The following PTPRD variants were observed in gnomAD, a reference collection of about 807,000 sequenced individuals.
PTPRD encodes protein tyrosine phosphatase receptor type D, also known as receptor-type tyrosine-protein phosphatase delta.
PTPRD carries 34 observed loss-of-function variants against 214.5 expected under a neutral mutation model. The ratio of observed to expected loss-of-function variants is 0.16; its 90% confidence interval spans 0.12 to 0.21. The LOEUF (loss-of-function observed/expected upper bound fraction) is 0.21. PTPRD is among the 10% of genes least tolerant of loss of function. PTPRD has a pLI of 1.00. For synonymous variants in PTPRD, 1,128 were observed against 845.7 expected, an observed-to-expected ratio of 1.33 and a Z score of -5.79; for missense variants, 2,545 against 2,398.7, an observed-to-expected ratio of 1.06 and a Z score of -1.27.
chr9:10,092,870 T>C (rs1000762749), intron 3 of PTPRD, among the ~76,000 whole-genome samples: 36 of 151,456 alleles, frequency 2.4e-4, no homozygotes, highest in Admixed American at 2.0e-3. Context: ...CCTATTCAAT[T>C]AATGGTGCTG....
intron 11 of PTPRD, among the ~76,000 whole-genome samples, chr9:8,814,041 G>C (rs1322436003): frequency 1.3e-5 from 2 of 152,164 alleles, no homozygotes; most frequent in Non-Finnish European, 2.9e-5. Context: ...ATGGGCCATG[G>C]ATTCTGCACC....
At chr9:10,417,294 T>C (rs1349047963) in intron 2 of PTPRD, among the ~76,000 whole-genome samples, 2 of 151,926 alleles carry the variant, frequency 1.3e-5, no homozygotes, top group African/African-American at 4.8e-5. Flanking sequence ...CTTCTTCCAA[T>C]GAAAGGGTGA....
chr9:9,080,099 T>C (rs1315874557), intron 10 of PTPRD, among the ~76,000 whole-genome samples: 7 of 152,080 alleles, frequency 4.6e-5, no homozygotes, highest in Non-Finnish European at 1.0e-4. Flanking sequence ...AGTTATTGTC[T>C]ATTGAGCATC....
At position 9,561,597 on chromosome 9, in the gene PTPRD, T is replaced by C. The variant is rs1351443533; in HGVS notation, c.-237+13135A>G. ...TAAAAAGAATAGCCTCTCTCTATTTTCAGAACTACAGTTAGAAATGTGCAG... is the reference window on the plus strand; with the variant it reads ...TAAAAAGAATAGCCTCTCTCTATTTCCAGAACTACAGTTAGAAATGTGCAG... On this transcript the variant is annotated intron_variant, in intron 8 of 45. Coordinates refer to ENST00000381196, the MANE Select transcript of PTPRD (RefSeq NM_002839.4). 2.0e-5 allele frequency among the ~76,000 whole-genome samples: 3 copies of C among 152,180 alleles called. No individual in the cohort carries two copies. The East Asian group carries it at 5.8e-4, about 29-fold the overall frequency.
At chr9:10,606,461 G>A (rs1180162373) in intron 2 of PTPRD, among the ~76,000 whole-genome samples, 1 of 151,614 alleles carries the variant, frequency 6.6e-6, no homozygotes, top group Non-Finnish European at 1.5e-5. Context: ...TCTAAATACA[G>A]GTTTTTCGTA....
chr9:10,319,796 A>G (rs1458037482), intron 3 of PTPRD, among the ~76,000 whole-genome samples: 1 of 152,062 alleles, frequency 6.6e-6, no homozygotes, highest in Non-Finnish European at 1.5e-5. Context: ...AGACAGCTAA[A>G]TATGTACAAA....
chr9:8,760,516 T>A (rs1009678534), intron 11 of PTPRD, among the ~76,000 whole-genome samples: 9 of 152,202 alleles, frequency 5.9e-5, no homozygotes, highest in Admixed American at 5.2e-4. Flanking sequence ...TTCCTCAAAA[T>A]TTTTTTGAAT....
chr9:9,934,463 C>G (rs2088285761), intron 5 of PTPRD, among the ~76,000 whole-genome samples: 1 of 140,880 alleles, frequency 7.1e-6, no homozygotes, highest in East Asian at 2.2e-4. Context: ...TGCAAATAAA[C>G]TAGAAAATCT....
At chr9:10,236,477 T>G (rs1454654106) in intron 3 of PTPRD, among the ~76,000 whole-genome samples, 1 of 151,960 alleles carries the variant, frequency 6.6e-6, no homozygotes, top group Non-Finnish European at 1.5e-5. Context: ...GTTCAACAGA[T>G]GGACATAATT....
chr9:9,063,705 G>A (rs1421563473), intron 10 of PTPRD, among the ~76,000 whole-genome samples: 2 of 152,118 alleles, frequency 1.3e-5, no homozygotes, highest in Non-Finnish European at 2.9e-5. Context: ...TGTAGCATAT[G>A]ACTAGATATG....
rs73641828 is a variant in PTPRD at position 10,046,069 on chromosome 9, T to C, written c.-544-12279A>G. 8.6e-3 allele frequency among the ~76,000 whole-genome samples: 1,307 copies of C among 151,902 alleles called. 23 individuals carry two copies. The highest frequency in any genetic ancestry group is 0.029 in the African/African-American group (1,223 of 41,546). On this transcript the variant is annotated intron_variant, in intron 3 of 45. Transcript: ENST00000381196. Reference sequence around the variant, plus strand: ...TAAGCTACAAAATAATACCTTCCTTTAATTTGATATACAGAAATATTCTAG... The same window carrying C: ...TAAGCTACAAAATAATACCTTCCTTCAATTTGATATACAGAAATATTCTAG...
chr9:8,704,918 T>G (rs984432394), intron 12 of PTPRD, among the ~76,000 whole-genome samples: 8 of 151,830 alleles, frequency 5.3e-5, no homozygotes, highest in African/African-American at 1.9e-4. Flanking sequence ...GCAAGACTCC[T>G]TAAAAATATA....
intron 14 of PTPRD, among the ~76,000 whole-genome samples, chr9:8,589,471 A>C (rs2093933290): frequency 6.6e-6 from 1 of 152,242 alleles, no homozygotes; most frequent in Admixed American, 6.5e-5. Flanking sequence ...AAATACAATA[A>C]GAAAACATGG....
chr9:10,392,021 C>A (rs1002278135), intron 2 of PTPRD, among the ~76,000 whole-genome samples: 16 of 151,804 alleles, frequency 1.1e-4, no homozygotes, highest in African/African-American at 3.6e-4. Context: ...CTCTTCCCTT[C>A]CCTACTACGT....
intron 3 of PTPRD, among the ~76,000 whole-genome samples, chr9:10,074,048 G>C (rs1190342737): frequency 6.6e-6 from 1 of 152,074 alleles, no homozygotes; most frequent in Non-Finnish European, 1.5e-5. Flanking sequence ...ATATGCTCCA[G>C]GGTGAAACAT....
chr9:8,799,464 G>T (rs114758448), intron 11 of PTPRD, among the ~76,000 whole-genome samples: 1,712 of 152,262 alleles, frequency 0.011, 37 homozygotes, highest in African/African-American at 0.04. Context: ...AAATACATCA[G>T]CCTAATAAAA....
At chr9:8,543,759 C>T (rs2079097442) in intron 14 of PTPRD, among the ~76,000 whole-genome samples, 1 of 152,142 alleles carries the variant, frequency 6.6e-6, no homozygotes, top group South Asian at 2.1e-4. Context: ...GTTGTCCAGG[C>T]TGGAGTGCAA....
chr9:8,329,892 C>CTCAGACAGCTG (rs1283343080), intron 44 of PTPRD, among the ~76,000 whole-genome samples: 1 of 152,242 alleles, frequency 6.6e-6, no homozygotes, highest in East Asian at 1.9e-4. Context: ...CCAGGTGGAC[C>CTCAGACAGCTG]TCAGACAGCT....
intron 3 of PTPRD, among the ~76,000 whole-genome samples, chr9:10,111,343 A>G (rs560868556): frequency 6.9e-5 from 9 of 131,362 alleles, no homozygotes; most frequent in African/African-American, 2.1e-4. Flanking sequence ...GGTTCATGCC[A>G]TTCTCCTGCC....
Sources: allele counts gnomAD v4.1 joint callset (sites outside exome capture counted in the v4.1 genomes callset), GRCh38; gene constraint gnomAD v4.1.1; transcripts MANE v1.5; gene names NCBI Gene and HGNC (gene_info 2026-07-23, HGNC 2026-07-21).